IGF2BP2: variants seen among roughly 807,000 people sequenced by gnomAD.
The protein encoded by IGF2BP2 is insulin-like growth factor 2 mRNA-binding protein 2.
A neutral mutation model predicts 75.8 loss-of-function variants in IGF2BP2; 17 were observed. That is an observed-to-expected ratio of 0.22 (90% CI 0.15 to 0.34). The LOEUF is 0.34. Ranked by LOEUF, IGF2BP2 falls within the 10% of genes least tolerant of loss-of-function variation. The probability of loss-of-function intolerance (pLI) is 1.00; values close to 1 mark genes in which losing one functional copy is unlikely to be tolerated. For missense variants in IGF2BP2, 516 were observed against 772.4 expected (o/e 0.67, Z 3.93); for synonymous variants, 288 against 295.6 (o/e 0.97, Z 0.26).
chr3:185,723,312 T>G, intron 2 of IGF2BP2, among the ~76,000 whole-genome samples: 1 of 152,208 alleles, frequency 6.6e-6, no homozygotes, highest in East Asian at 1.9e-4. Flanking sequence ...ACTCACTGCT[T>G]GGGTCCACAG....
At position 185,691,984 on chromosome 3, in the gene IGF2BP2, C is replaced by T. The variant is rs145835662; in HGVS notation, c.404+715G>A. On this transcript the variant is annotated intron_variant, in intron 5 of 15. Transcript: ENST00000382199. ...AAACTCCTGGGCTCAAGCAATCCTC[C>T]GGCCTTGCCCAAAATGCTGGGATTA... Among the ~76,000 whole-genome samples the T allele has an allele frequency of 3.2e-3, 489 of 152,284 alleles. 3 individuals carry two copies. The highest frequency in any genetic ancestry group is 0.011 in the African/African-American group (457 of 41,554).
chr3:185,753,198 A>G (rs1731181117), intron 2 of IGF2BP2, among the ~76,000 whole-genome samples: 1 of 152,182 alleles, frequency 6.6e-6, no homozygotes, highest in Non-Finnish European at 1.5e-5. Flanking sequence ...CTAGAAACAC[A>G]TACAATTGTG....
intron 10 of IGF2BP2, among the ~76,000 whole-genome samples, chr3:185,664,140 T>C (rs1057224234): frequency 6.6e-6 from 1 of 152,178 alleles, no homozygotes; most frequent in African/African-American, 2.4e-5. Flanking sequence ...TGGAGCTGCC[T>C]GTCCTGCTCT....
At chr3:185,820,935 T>G (rs922531481) in intron 2 of IGF2BP2, 2 of 1,424,670 alleles carry the variant, frequency 1.4e-6, no homozygotes, top group East Asian at 2.5e-5. Flanking sequence ...CTTGTTAATA[T>G]TCACAGAAAT....
chr3:185,794,638 C>CTTTT (rs143589698), intron 2 of IGF2BP2, among the ~76,000 whole-genome samples: 24 of 148,750 alleles, frequency 1.6e-4, no homozygotes, highest in Middle Eastern at 3.4e-3. Flanking sequence ...GAGGTCACAT[C>CTTTT]TTTTTTTTTC....
chr3:185,695,687 T>C (rs1039702836), intron 4 of IGF2BP2, among the ~76,000 whole-genome samples: 1 of 152,148 alleles, frequency 6.6e-6, no homozygotes, highest in Non-Finnish European at 1.5e-5. Flanking sequence ...CTTTAGAAGA[T>C]AAAAAAGAGG....
Position 185,687,039 on chromosome 3 carries a change from C to T in IGF2BP2, c.812+18G>A. The T allele has an allele frequency of 6.2e-7, 1 of 1,609,796 alleles. No homozygotes were observed. Among genetic ancestry groups the T allele is most frequent in the Non-Finnish European group, 8.5e-7 (1 of 1,179,096 alleles). On this transcript the variant is annotated intron_variant, in intron 7 of 15. Transcript: ENST00000382199. ...CTTTTTCTCTGTTGAGTGATCTGGG[C>T]ATTGCATGCAAACTTACAGTTTGGT... is the stretch of plus-strand genomic sequence containing the variant.
chr3:185,760,475 C>G (rs1174241693), intron 2 of IGF2BP2, among the ~76,000 whole-genome samples: 1 of 152,144 alleles, frequency 6.6e-6, no homozygotes, highest in Non-Finnish European at 1.5e-5. Context: ...GTGCAGTGAT[C>G]CCCACTATTT....
intron 2 of IGF2BP2, among the ~76,000 whole-genome samples, chr3:185,810,511 T>A (rs1005815492): frequency 6.6e-6 from 1 of 152,216 alleles, no homozygotes; most frequent in Non-Finnish European, 1.5e-5. Context: ...CAATGGCTCA[T>A]GCCTGTAATC....
intron 2 of IGF2BP2, among the ~76,000 whole-genome samples, chr3:185,704,287 C>T (rs557294998): frequency 1.5e-4 from 23 of 152,284 alleles, no homozygotes; most frequent in Admixed American, 5.2e-4. Flanking sequence ...CTATTGCACG[C>T]GCTCATTAGT....
intron 2 of IGF2BP2, among the ~76,000 whole-genome samples, chr3:185,798,712 A>C (rs1737767688): frequency 6.6e-6 from 1 of 152,172 alleles, no homozygotes; most frequent in African/African-American, 2.4e-5. Context: ...TTATTAATGC[A>C]ACATCATAAG....
At chr3:185,785,497 A>G (rs781517409) in intron 2 of IGF2BP2, among the ~76,000 whole-genome samples, 22 of 152,124 alleles carry the variant, frequency 1.4e-4, no homozygotes, top group Non-Finnish European at 3.1e-4. Flanking sequence ...GCATTTGACA[A>G]ACTTCTAAAG....
At chr3:185,702,439 C>T (rs919788564) in intron 2 of IGF2BP2, among the ~76,000 whole-genome samples, 1 of 152,046 alleles carries the variant, frequency 6.6e-6, no homozygotes, top group Admixed American at 6.5e-5. Flanking sequence ...TTTAAAAAAA[C>T]CAAACACACA....
intron 2 of IGF2BP2, chr3:185,717,145 G>A (rs1032553703): frequency 6.5e-5 from 13 of 201,208 alleles, no homozygotes; most frequent in African/African-American, 2.1e-4. Context: ...TTTGGCAGCC[G>A]TGGAGCTCTG....
intron 2 of IGF2BP2, among the ~76,000 whole-genome samples, chr3:185,814,481 A>G (rs1220147765): frequency 2.0e-5 from 3 of 152,194 alleles, no homozygotes; most frequent in Non-Finnish European, 2.9e-5. Flanking sequence ...AACACCCTCT[A>G]TTTAATGAAT....
At chr3:185,670,314 A>T (rs1042970779) in intron 10 of IGF2BP2, among the ~76,000 whole-genome samples, 1 of 152,164 alleles carries the variant, frequency 6.6e-6, no homozygotes. Flanking sequence ...CTCCTTGTTA[A>T]ATTTAGTTCA....
At chr3:185,806,933 A>T (rs1300226151) in intron 2 of IGF2BP2, among the ~76,000 whole-genome samples, 1 of 152,212 alleles carries the variant, frequency 6.6e-6, no homozygotes, top group Non-Finnish European at 1.5e-5. Flanking sequence ...ATTTACTCAT[A>T]TTTGGTATAG....
At chr3:185,769,280 G>C (rs921948209) in intron 2 of IGF2BP2, among the ~76,000 whole-genome samples, 8 of 151,820 alleles carry the variant, frequency 5.3e-5, no homozygotes, top group African/African-American at 1.9e-4. Flanking sequence ...GGCCCCTCGA[G>C]TTTGAGGTTG....
intron 2 of IGF2BP2, among the ~76,000 whole-genome samples, chr3:185,719,401 G>A (rs924586339): frequency 6.6e-6 from 1 of 152,200 alleles, no homozygotes; most frequent in Non-Finnish European, 1.5e-5. Flanking sequence ...ATCTGCTGCA[G>A]CAACAGGCTC....
Sources: allele counts gnomAD v4.1 joint callset (sites outside exome capture counted in the v4.1 genomes callset), GRCh38; gene constraint gnomAD v4.1.1; transcripts MANE v1.5; gene names NCBI Gene and HGNC (gene_info 2026-07-23, HGNC 2026-07-21).